The following SYNE2 variants were observed in gnomAD, a reference collection of about 807,000 sequenced individuals.
SYNE2 encodes spectrin repeat containing nuclear envelope protein 2.
Under a neutral mutation model 856.3 loss-of-function variants are expected in SYNE2, and 431 were observed. The observed-to-expected ratio is 0.50, with a 90% CI of 0.47 to 0.55. SYNE2 has a LOEUF of 0.55. Among genes scored for constraint, SYNE2 ranks in the 20% least tolerant of loss-of-function variants. The pLI is 0.00. For synonymous variants in SYNE2, 2,923 were observed against 2,872.3 expected (o/e 1.02, Z -0.56); for missense variants, 8,129 against 8,023.2 (o/e 1.01, Z -0.50).
intron 79 of SYNE2, among the ~76,000 whole-genome samples, chr14:64,138,347 T>C (rs1200353013): frequency 6.6e-6 from 1 of 152,142 alleles, no homozygotes; most frequent in Non-Finnish European, 1.5e-5. Context: ...TCCTCCTGCC[T>C]CAGCCTCCCA....
At chr14:64,216,062 A>T in intron 107 of SYNE2, 186 bp from the exon 108 acceptor site, 1 of 1,499,764 alleles carries the variant, frequency 6.7e-7, no homozygotes, top group African/African-American at 1.4e-5. Context: ...CATCTAGTGA[A>T]GGCACAGTGT....
At chr14:64,192,449 A>G (rs912246207) in intron 99 of SYNE2, among the ~76,000 whole-genome samples, 2 of 151,928 alleles carry the variant, frequency 1.3e-5, no homozygotes, top group Non-Finnish European at 2.9e-5. Flanking sequence ...TTAACAGGCT[A>G]TTTGCTTTCC....
chr14:63,964,874 A>T (rs961395940), intron 10 of SYNE2, among the ~76,000 whole-genome samples: 3 of 152,046 alleles, frequency 2.0e-5, no homozygotes, highest in African/African-American at 7.2e-5. Context: ...AATCAGGAAT[A>T]GGGATCCTAG....
chr14:64,141,860 A>C (rs1460328500), intron 81 of SYNE2, 82 bp from the exon 82 acceptor site: 1 of 1,546,100 alleles, frequency 6.5e-7, no homozygotes, highest in African/African-American at 1.4e-5. Flanking sequence ...ACCTTTTATC[A>C]AACCAGATAT....
At chr14:64,138,848 G>A (rs938461038) in intron 79 of SYNE2, among the ~76,000 whole-genome samples, 3 of 151,750 alleles carry the variant, frequency 2.0e-5, no homozygotes, top group East Asian at 1.9e-4. Flanking sequence ...TCACTACCTC[G>A]GGCAAATACG....
At position 63,771,066 on chromosome 14, in the gene SYNE2, C is replaced by CTTTTT. The variant is rs770101693; in HGVS notation, c.-305+9097_-305+9101dup. On this transcript the variant is annotated intron_variant, in intron 1 of 23. Transcript: ENST00000674003. ...AGAGTCACAGAAACCCTTATACACT[C>CTTTTT]TTTTTTTTTTTTTTTTTTTTTGAGA... Among the ~76,000 whole-genome samples, 73 of 116,302 alleles carry CTTTTT rather than the reference C, an allele frequency of 6.3e-4. 1 individual carries two copies. The highest frequency in any genetic ancestry group is 1.6e-3 in the African/African-American group (46 of 28,346). The allele number at this position is 116,302 out of a possible 152,430, so 76.3% of individuals were successfully genotyped here.
chr14:64,214,073 G>C, intron 105 of SYNE2, 121 bp from the exon 106 acceptor site: 6 of 1,476,146 alleles, frequency 4.1e-6, no homozygotes, highest in South Asian at 3.7e-5. Flanking sequence ...TTTTAAAGCT[G>C]CCTTAGAAAT....
chr14:64,130,165 A>G lies in SYNE2; in HGVS notation c.14257A>G (p.Ile4753Val), dbSNP rs886042776. 6.2e-7 allele frequency: 1 copy of G among 1,614,158 alleles called. No individual in the cohort carries two copies. The highest frequency in any genetic ancestry group is 8.5e-7 in the Non-Finnish European group (1 of 1,180,024). ...GCAAGGCATGGTGGAACTGGTGAAGATTGGGAAGGAAAAGCTTGCTCATGG... is the reference window on the plus strand; with the variant it reads ...GCAAGGCATGGTGGAACTGGTGAAGGTTGGGAAGGAAAAGCTTGCTCATGG... ...LLQGMVELVK[I>V]GKEKLAHGHL... The change falls in exon 76 of 116, where the codon ATT (isoleucine) becomes GTT (valine). Residue 4753 changes from isoleucine to valine, a missense_variant. Ile to Val is a conservative substitution (Grantham distance 29, BLOSUM62 3). Coordinates refer to ENST00000555002, the MANE Select transcript of SYNE2 (RefSeq NM_182914.3).
chr14:64,071,493 CA>C (rs1334664811), intron 52 of SYNE2, among the ~76,000 whole-genome samples: 1 of 149,908 alleles, frequency 6.7e-6, no homozygotes, highest in African/African-American at 2.5e-5. Flanking sequence ...GACTCTGTCT[CA>C]AAAAAAAGGA....
intron 8 of SYNE2, among the ~76,000 whole-genome samples, chr14:63,958,942 T>TA (rs1467627717): frequency 6.6e-6 from 1 of 152,244 alleles, no homozygotes; most frequent in East Asian, 1.9e-4. Context: ...AGTTGGCTCT[T>TA]ATGCTCCTTT....
At chr14:63,777,752 C>T (rs994940116) in intron 1 of SYNE2, among the ~76,000 whole-genome samples, 9 of 151,992 alleles carry the variant, frequency 5.9e-5, no homozygotes, top group Non-Finnish European at 8.8e-5. Context: ...CACTGTAACC[C>T]GGAACTCCTG....
At chr14:63,831,853 T>A (rs1266769762) in intron 1 of SYNE2, among the ~76,000 whole-genome samples, 1 of 152,098 alleles carries the variant, frequency 6.6e-6, no homozygotes. Context: ...ATGAATATAA[T>A]GTTCATTCTT....
chr14:63,887,663 T>C (rs116772306), intron 1 of SYNE2, among the ~76,000 whole-genome samples: 1,634 of 151,598 alleles, frequency 0.011, 24 homozygotes, highest in African/African-American at 0.037. Context: ...TGGTTTTTTT[T>C]CCCCCCCATT....
chr14:64,214,672 G>GA (rs929271036), intron 106 of SYNE2: 10 of 610,334 alleles, frequency 1.6e-5, no homozygotes, highest in Middle Eastern at 4.4e-4. Flanking sequence ...ATGAAAGGGG[G>GA]AAAAAAAATG....
rs760649069 is a variant in SYNE2 at position 64,226,011 on chromosome 14, T to A, written c.*485T>A. The A allele has an allele frequency of 2.7e-5, 6 of 218,960 alleles. No homozygotes were observed. Among genetic ancestry groups the A allele is most frequent in the Non-Finnish European group, 5.5e-5 (6 of 109,270 alleles). 13.6% of individuals were successfully genotyped at this position (218,960 alleles called of 1,614,324 possible). On this transcript the variant is annotated 3_prime_UTR_variant, in exon 116 of 116. Coordinates refer to ENST00000555002, the MANE Select transcript of SYNE2 (RefSeq NM_182914.3). ...ACGCTTAGAATCAGTTTTACTCCAA[T>A]CAGCTGGCAATTTTGAGCTGCCGGT...
intron 72 of SYNE2, 47 bp downstream of exon 72, chr14:64,126,526 C>T (rs200827784): frequency 4.1e-4 from 662 of 1,613,976 alleles, no homozygotes; most frequent in Non-Finnish European, 4.8e-4. Flanking sequence ...ACAGCAGCCC[C>T]GTGAGTTAAG....
At chr14:64,004,486 C>T (rs1020547595) in intron 30 of SYNE2, among the ~76,000 whole-genome samples, 3 of 151,652 alleles carry the variant, frequency 2.0e-5, no homozygotes, top group Non-Finnish European at 4.4e-5. Flanking sequence ...CGCGCCACCA[C>T]GCCTGGCTAA....
chr14:63,900,432 A>C lies in SYNE2; in HGVS notation c.-51-8666A>C, dbSNP rs149172191. ...CGACTTACATGGATGGCAGCAGGCA[A>C]AAAGAGAGCTTGTGCAGGAAAACTC... On this transcript the variant is annotated intron_variant, in intron 1 of 115. Coordinates refer to ENST00000555002, the MANE Select transcript of SYNE2 (RefSeq NM_182914.3). Among the ~76,000 whole-genome samples the C allele has an allele frequency of 2.2e-3, 338 of 152,278 alleles. 1 individual carries two copies. Among genetic ancestry groups the C allele is most frequent in the African/African-American group, 7.1e-3 (295 of 41,546 alleles).
At position 63,969,719 on chromosome 14, in the gene SYNE2, C is replaced by T. The variant is rs533378854; in HGVS notation, c.1128+1873C>T. ...CTTTATCCATTCATCTGTTGATGGG[C>T]GATTACGTTGCTTCCAAATTACAAA... On this transcript the variant is annotated intron_variant, in intron 11 of 115. Coordinates refer to ENST00000555002, the MANE Select transcript of SYNE2 (RefSeq NM_182914.3). 5.9e-5 allele frequency among the ~76,000 whole-genome samples: 9 copies of T among 151,996 alleles called. No homozygotes were observed. In the South Asian group the frequency reaches 1.7e-3, roughly 28 times the overall value.
Sources: gnomAD v4.1 joint callset for allele counts (sites outside exome capture counted in the v4.1 genomes callset) on GRCh38, gnomAD v4.1.1 for gene constraint, MANE v1.5 for transcripts, NCBI Gene and HGNC (gene_info 2026-07-23, HGNC 2026-07-21) for gene names.